MOB3B: variants seen among roughly 807,000 people sequenced by gnomAD.
The protein encoded by MOB3B is MOB kinase activator-like 2B.
A neutral mutation model predicts 18.7 loss-of-function variants in MOB3B; 7 were observed. That is an observed-to-expected ratio of 0.37 (90% CI 0.21 to 0.70). The LOEUF is 0.70. Ranked by LOEUF, MOB3B falls within the 30% of genes least tolerant of loss-of-function variation. The pLI, the probability that MOB3B is intolerant of heterozygous loss-of-function variation, is 0.52. For missense variants in MOB3B, 253 were observed against 281.3 expected (o/e 0.90, Z 0.72); for synonymous variants, 111 against 99.9 (o/e 1.11, Z -0.66).
chr9:27,436,564 T>C (rs1259081184), intron 2 of MOB3B, among the ~76,000 whole-genome samples: 1 of 152,188 alleles, frequency 6.6e-6, no homozygotes, highest in African/African-American at 2.4e-5. Flanking sequence ...TACTGTACTG[T>C]TGGGTACATA....
chr9:27,380,442 T>G (rs1178899343), intron 2 of MOB3B, among the ~76,000 whole-genome samples: 1 of 152,004 alleles, frequency 6.6e-6, no homozygotes, highest in African/African-American at 2.4e-5. Context: ...TTTCACCATG[T>G]TGGCCAGGAT....
chr9:27,344,416 G>T (rs765699298), intron 3 of MOB3B, among the ~76,000 whole-genome samples: 1 of 152,080 alleles, frequency 6.6e-6, no homozygotes, highest in Non-Finnish European at 1.5e-5. Context: ...GCCAAGTACC[G>T]TTGCACTAGC....
intron 2 of MOB3B, among the ~76,000 whole-genome samples, chr9:27,391,534 C>G (rs941867135): frequency 6.6e-6 from 1 of 152,140 alleles, no homozygotes; most frequent in Non-Finnish European, 1.5e-5. Flanking sequence ...CGTTTGGAAA[C>G]CATAGACATC....
At chr9:27,523,574 G>A (rs1169768924) in intron 1 of MOB3B, among the ~76,000 whole-genome samples, 1 of 152,140 alleles carries the variant, frequency 6.6e-6, no homozygotes, top group Admixed American at 6.5e-5. Flanking sequence ...TTTAAGAAAG[G>A]TATCAGAGGC....
chr9:27,428,008 T>C (rs1455786825), intron 2 of MOB3B, among the ~76,000 whole-genome samples: 1 of 152,126 alleles, frequency 6.6e-6, no homozygotes, highest in Admixed American at 6.5e-5. Flanking sequence ...CCAACCTACT[T>C]CCATCCCCAG....
chr9:27,384,328 A>C (rs1396166566), intron 2 of MOB3B, among the ~76,000 whole-genome samples: 1 of 152,118 alleles, frequency 6.6e-6, no homozygotes, highest in Non-Finnish European at 1.5e-5. Context: ...GTTTAAGTGC[A>C]CACCTGTCTA....
chr9:27,498,727 C>G (rs940062238), intron 1 of MOB3B, among the ~76,000 whole-genome samples: 3 of 152,164 alleles, frequency 2.0e-5, no homozygotes, highest in African/African-American at 7.2e-5. Flanking sequence ...GCACATGCAC[C>G]ATTGAAAGGG....
intron 2 of MOB3B, among the ~76,000 whole-genome samples, chr9:27,363,023 T>C (rs1310596857): frequency 6.6e-6 from 1 of 152,150 alleles, no homozygotes; most frequent in South Asian, 2.1e-4. Context: ...GGCAGCAAGA[T>C]AGAACAAGAT....
intron 2 of MOB3B, among the ~76,000 whole-genome samples, chr9:27,419,969 ACAAT>A (rs1822214340): frequency 6.6e-6 from 1 of 152,080 alleles, no homozygotes; most frequent in Non-Finnish European, 1.5e-5. Flanking sequence ...AAAAAAACAA[ACAAT>A]CCCTTGAAAA....
intron 2 of MOB3B, among the ~76,000 whole-genome samples, chr9:27,365,722 G>T (rs1821334040): frequency 6.6e-6 from 1 of 152,074 alleles, no homozygotes; most frequent in South Asian, 2.1e-4. Context: ...CCAAGAAGTT[G>T]GCCCACATTG....
intron 1 of MOB3B, among the ~76,000 whole-genome samples, chr9:27,467,639 G>A (rs1483160215): frequency 3.3e-5 from 5 of 152,324 alleles, no homozygotes; most frequent in East Asian, 1.9e-4. Context: ...TACTAACATC[G>A]CCCCAGGGCA....
intron 1 of MOB3B, among the ~76,000 whole-genome samples, chr9:27,465,445 T>A (rs1789337340): frequency 6.6e-6 from 1 of 152,204 alleles, no homozygotes; most frequent in Non-Finnish European, 1.5e-5. Flanking sequence ...TTTCATGGGC[T>A]GGCATTAAGT....
intron 2 of MOB3B, among the ~76,000 whole-genome samples, chr9:27,437,611 T>C (rs1822530600): frequency 6.6e-6 from 1 of 152,240 alleles, no homozygotes; most frequent in South Asian, 2.1e-4. Context: ...AATGTCTCCC[T>C]TCAACTGCTA....
intron 1 of MOB3B, among the ~76,000 whole-genome samples, chr9:27,523,235 T>C (rs1820367901): frequency 6.6e-6 from 1 of 152,008 alleles, no homozygotes. Flanking sequence ...GGTTATTTGG[T>C]CAAACAAAGT....
chr9:27,383,723 T>C (rs1289939002), intron 2 of MOB3B, among the ~76,000 whole-genome samples: 1 of 152,188 alleles, frequency 6.6e-6, no homozygotes, highest in South Asian at 2.1e-4. Context: ...GAGAGATCTA[T>C]GTAAATACAT....
chr9:27,483,125 C>CTTTTTTTTTTTTTTTTTTT (rs71492747), intron 1 of MOB3B, among the ~76,000 whole-genome samples: 1 of 68,544 alleles, frequency 1.5e-5, no homozygotes, highest in Admixed American at 2.5e-4. Context: ...ATATACGGTA[C>CTTTTTTTTTTTTTTTTTTT]TTTTTTTTTT....
intron 2 of MOB3B, among the ~76,000 whole-genome samples, chr9:27,423,524 T>G (rs1386851567): frequency 6.6e-6 from 1 of 152,054 alleles, no homozygotes; most frequent in East Asian, 1.9e-4. Context: ...AAAGAAGGTA[T>G]GGAGCATTTA....
intron 2 of MOB3B, among the ~76,000 whole-genome samples, chr9:27,432,045 C>T (rs1028701794): frequency 6.6e-6 from 1 of 152,144 alleles, no homozygotes; most frequent in Non-Finnish European, 1.5e-5. Context: ...AAGCAAAAGA[C>T]ATCAGACGAT....
chr9:27,361,376 T>C (rs1036626960), intron 2 of MOB3B, among the ~76,000 whole-genome samples: 2 of 152,078 alleles, frequency 1.3e-5, no homozygotes, highest in African/African-American at 4.8e-5. Flanking sequence ...AAAGTTACTC[T>C]TCAGTGGCAC....
Sources: gnomAD v4.1 joint callset for allele counts (sites outside exome capture counted in the v4.1 genomes callset) on GRCh38, gnomAD v4.1.1 for gene constraint, MANE v1.5 for transcripts, NCBI Gene and HGNC (gene_info 2026-07-23, HGNC 2026-07-21) for gene names.